The following AGPAT3 variants were observed in gnomAD, a reference collection of about 807,000 sequenced individuals.
AGPAT3 encodes 1-acylglycerol-3-phosphate O-acyltransferase 3.
Under a neutral mutation model 47.3 loss-of-function variants are expected in AGPAT3, and 5 were observed. The observed-to-expected ratio is 0.11, with a 90% CI of 0.06 to 0.22. The LOEUF is 0.22. Among genes scored for constraint, AGPAT3 ranks in the 10% least tolerant of loss-of-function variants. The pLI is 1.00. For missense variants in AGPAT3, 315 were observed against 493.0 expected (o/e 0.64, Z 3.42); for synonymous variants, 212 against 208.3 (o/e 1.02, Z -0.15).
intron 1 of AGPAT3, among the ~76,000 whole-genome samples, chr21:43,872,989 C>G (rs1205729258): frequency 6.6e-6 from 1 of 152,244 alleles, no homozygotes; most frequent in Non-Finnish European, 1.5e-5. Context: ...GCTGCGGCCT[C>G]CCCCTGCCGG....
intron 2 of AGPAT3, among the ~76,000 whole-genome samples, chr21:43,958,563 G>T (rs907845406): frequency 6.6e-6 from 1 of 151,058 alleles, no homozygotes; most frequent in Non-Finnish European, 1.5e-5. Flanking sequence ...TGTGTGGTGC[G>T]TGTGGCGTGT....
chr21:43,960,161 C>T (rs1315080839), intron 3 of AGPAT3, among the ~76,000 whole-genome samples: 1 of 152,214 alleles, frequency 6.6e-6, no homozygotes, highest in Non-Finnish European at 1.5e-5. Flanking sequence ...TACCCGTTAC[C>T]AAGCTCCAAC....
chr21:43,874,492 TG>T (rs1294022059), intron 1 of AGPAT3, among the ~76,000 whole-genome samples: 2 of 152,264 alleles, frequency 1.3e-5, no homozygotes, highest in African/African-American at 2.4e-5. Context: ...GATTTTAGGT[TG>T]TTTTTATTAT....
chr21:43,948,622 T>C lies in AGPAT3; in HGVS notation c.-48-11012T>C, dbSNP rs184223885. ...TGTTGCAAAAGGCGGGGTTCTGTTA[T>C]CCGGAATTGGAGGAGTGGTTTTAGG... On this transcript the variant is annotated intron_variant, in intron 2 of 9. Coordinates refer to ENST00000291572, the MANE Select transcript of AGPAT3 (RefSeq NM_020132.5). 1.4e-3 allele frequency among the ~76,000 whole-genome samples: 220 copies of C among 152,328 alleles called. 2 individuals carry two copies. The highest frequency in any genetic ancestry group is 5.0e-3 in the African/African-American group (206 of 41,582).
At chr21:43,958,820 G>C (rs2088633442) in intron 2 of AGPAT3, among the ~76,000 whole-genome samples, 1 of 146,804 alleles carries the variant, frequency 6.8e-6, no homozygotes, top group African/African-American at 2.5e-5. Flanking sequence ...TAGTGTGTGT[G>C]GTTTGTGATG....
intron 1 of AGPAT3, among the ~76,000 whole-genome samples, chr21:43,875,210 A>ACCTCATGATCTGC (rs1353574511): frequency 6.6e-6 from 1 of 152,104 alleles, no homozygotes; most frequent in Non-Finnish European, 1.5e-5. Context: ...TTGAACTCTG[A>ACCTCATGATCTGC]CCTCATGATC....
chr21:43,947,543 C>T (rs2087953509), intron 2 of AGPAT3, among the ~76,000 whole-genome samples: 1 of 152,218 alleles, frequency 6.6e-6, no homozygotes, highest in Admixed American at 6.5e-5. Context: ...CGTCCAGTGT[C>T]TGTCGGGGCC....
chr21:43,977,931 C>T (rs2146897246), intron 7 of AGPAT3, 115 bp from the exon 8 acceptor site: 1 of 665,080 alleles, frequency 1.5e-6, no homozygotes, highest in Non-Finnish European at 2.6e-6. Context: ...TGAGATGTGA[C>T]AGAAGGAGTG....
chr21:43,866,859 G>A (rs1396038343), intron 1 of AGPAT3, among the ~76,000 whole-genome samples: 1 of 152,250 alleles, frequency 6.6e-6, no homozygotes, highest in East Asian at 1.9e-4. Context: ...CTGCCAGGGG[G>A]ACGCGCTGCA....
intron 1 of AGPAT3, among the ~76,000 whole-genome samples, chr21:43,897,377 A>T (rs1184037833): frequency 6.6e-6 from 1 of 151,950 alleles, no homozygotes; most frequent in South Asian, 2.1e-4. Flanking sequence ...ACACAGTAAC[A>T]ATCTGATCCC....
rs949943294 is a variant in AGPAT3, at chr21:43,930,963, G to A, written c.-49+26944G>A. On this transcript the variant is annotated intron_variant, in intron 2 of 9. Coordinates refer to ENST00000291572, the MANE Select transcript of AGPAT3 (RefSeq NM_020132.5). The surrounding 1 kb of genome is among the most constrained non-coding windows in gnomAD (Gnocchi z 5.0). ...CCACTACGTGAGATCCTGGGGCAGG[G>A]GCTGTGGGGGCTCTAGAGTGGGGGT... Among the ~76,000 whole-genome samples the A allele has an allele frequency of 3.9e-5, 6 of 152,208 alleles. No individual in the cohort carries two copies. Among genetic ancestry groups the A allele is most frequent in the Admixed American group, 1.3e-4 (2 of 15,290 alleles).
chr21:43,897,260 G>A (rs1173007997), intron 1 of AGPAT3, among the ~76,000 whole-genome samples: 1 of 151,996 alleles, frequency 6.6e-6, no homozygotes, highest in South Asian at 2.1e-4. Context: ...GTTTCAGAGA[G>A]CACGGGGTTG....
chr21:43,964,583 A>C (rs1310132093), intron 3 of AGPAT3, among the ~76,000 whole-genome samples: 1 of 152,214 alleles, frequency 6.6e-6, no homozygotes, highest in South Asian at 2.1e-4. Context: ...AAGATAAAGA[A>C]AAAAAGGTAA....
chr21:43,916,450 C>G (rs1296501783), intron 2 of AGPAT3: 3 of 151,772 alleles, frequency 2.0e-5, no homozygotes, highest in South Asian at 2.1e-4. Flanking sequence ...ACTATATCTG[C>G]TCTAAGAATT....
chr21:43,878,966 C>G (rs973043529), intron 1 of AGPAT3, among the ~76,000 whole-genome samples: 1 of 152,098 alleles, frequency 6.6e-6, no homozygotes, highest in Non-Finnish European at 1.5e-5. Context: ...GTCTCAAACT[C>G]CTTGCCTCAA....
intron 2 of AGPAT3, among the ~76,000 whole-genome samples, chr21:43,936,459 C>T (rs1043105837): frequency 2.0e-5 from 3 of 152,246 alleles, no homozygotes; most frequent in East Asian, 1.9e-4. Context: ...TGCCTCCCTC[C>T]GGAAGAATGG....
chr21:43,964,686 C>T (rs1331011861), intron 3 of AGPAT3, among the ~76,000 whole-genome samples: 1 of 152,154 alleles, frequency 6.6e-6, no homozygotes, highest in Non-Finnish European at 1.5e-5. Context: ...TTCCCAGATA[C>T]TTGGGATGAC....
At chr21:43,943,619 TGA>T (rs1355114364) in intron 2 of AGPAT3, among the ~76,000 whole-genome samples, 1 of 152,140 alleles carries the variant, frequency 6.6e-6, no homozygotes, top group Non-Finnish European at 1.5e-5. Context: ...CAGGCCACGC[TGA>T]GAGTCTGCCG....
intron 2 of AGPAT3, among the ~76,000 whole-genome samples, chr21:43,950,043 C>G (rs77915974): frequency 1.3e-5 from 2 of 152,236 alleles, no homozygotes; most frequent in African/African-American, 4.8e-5. Flanking sequence ...GTCTTGGAAG[C>G]CTCGTGTTGA....
Sources: gnomAD v4.1 joint callset for allele counts (sites outside exome capture counted in the v4.1 genomes callset) on GRCh38, gnomAD v4.1.1 for gene constraint, Gnocchi (gnomAD v3.1) non-coding constraint, MANE v1.5 for transcripts, NCBI Gene and HGNC (gene_info 2026-07-23, HGNC 2026-07-21) for gene names.